The following SCHIP1 variants were observed in gnomAD, a reference collection of about 807,000 sequenced individuals.
The protein encoded by SCHIP1 is schwannomin-interacting protein 1.
SCHIP1 carries 8 observed loss-of-function variants against 29.7 expected under a neutral mutation model. The observed-to-expected ratio is 0.27, with a 90% CI of 0.16 to 0.49. The LOEUF is 0.49. SCHIP1 is among the 20% of genes least tolerant of loss of function. SCHIP1 has a pLI of 0.99. For synonymous variants in SCHIP1, 76 were observed against 94.9 expected (o/e 0.80, Z 1.16); for missense variants, 193 against 294.6 (o/e 0.66, Z 2.52).
At chr3:159,292,162 C>T in the SCHIP1 span, among the ~76,000 whole-genome samples, 4 of 151,484 alleles carry the variant, frequency 2.6e-5, no homozygotes, top group Non-Finnish European at 4.4e-5. Context: ...ATATCTGGCA[C>T]TTATTTTAAA....
chr3:159,508,973 G>C, the SCHIP1 span, among the ~76,000 whole-genome samples: 6 of 152,210 alleles, frequency 3.9e-5, no homozygotes, highest in Admixed American at 3.9e-4. Flanking sequence ...TTCTGTAGAT[G>C]TCTGTTAGGT....
chr3:159,886,399 T>A (rs1057126023), intron 3 of SCHIP1, 75 bp downstream of exon 4: 1 of 1,344,698 alleles, frequency 7.4e-7, no homozygotes, highest in Non-Finnish European at 1.0e-6. Flanking sequence ...TGTTGTAAGG[T>A]GAATCAGGAA....
the SCHIP1 span, among the ~76,000 whole-genome samples, chr3:159,445,770 G>T: frequency 6.7e-6 from 1 of 149,006 alleles, no homozygotes; most frequent in African/African-American, 2.5e-5. Context: ...GTAAACTATC[G>T]CAAGGACAAA....
intron 5 of SCHIP1, among the ~76,000 whole-genome samples, chr3:159,890,154 A>G (rs1424537483): frequency 1.3e-5 from 2 of 152,124 alleles, no homozygotes; most frequent in Non-Finnish European, 2.9e-5. Flanking sequence ...TACCTACTGA[A>G]GCATTTACAG....
chr3:159,651,307 C>T, the SCHIP1 span, among the ~76,000 whole-genome samples: 1 of 152,114 alleles, frequency 6.6e-6, no homozygotes, highest in Non-Finnish European at 1.5e-5. Context: ...GTTACTTTTG[C>T]AATTCAGATG....
chr3:159,818,929 T>C, the SCHIP1 span, among the ~76,000 whole-genome samples: 508 of 152,390 alleles, frequency 3.3e-3, 3 homozygotes, highest in African/African-American at 0.012. Context: ...AATAGTTTAC[T>C]ACAGTTTAAA....
chr3:159,381,612 C>CT, the SCHIP1 span, among the ~76,000 whole-genome samples: 159 of 148,284 alleles, frequency 1.1e-3, no homozygotes, highest in Admixed American at 4.1e-3. Context: ...TTTTCTTCTT[C>CT]TTTTTTTTTT....
At chr3:159,712,219 T>C in the SCHIP1 span, among the ~76,000 whole-genome samples, 2 of 152,170 alleles carry the variant, frequency 1.3e-5, no homozygotes, top group Non-Finnish European at 2.9e-5. Flanking sequence ...CACATCTGAC[T>C]GCCCAGCTTA....
At chr3:159,516,701 G>A in the SCHIP1 span, among the ~76,000 whole-genome samples, 164 of 152,108 alleles carry the variant, frequency 1.1e-3, no homozygotes, top group African/African-American at 3.7e-3. Flanking sequence ...AGTCTGACAC[G>A]AATCTTTTTT....
At chr3:159,431,757 T>A in the SCHIP1 span, among the ~76,000 whole-genome samples, 2 of 148,554 alleles carry the variant, frequency 1.3e-5, no homozygotes, top group Admixed American at 6.8e-5. Flanking sequence ...TGCAATGAGC[T>A]GAGATCGGGC....
chr3:159,422,825 A>G, the SCHIP1 span, among the ~76,000 whole-genome samples: 1 of 152,168 alleles, frequency 6.6e-6, no homozygotes, highest in South Asian at 2.1e-4. Context: ...GGGTATACCA[A>G]AATTTACTTG....
chr3:159,340,010 T>C, the SCHIP1 span, among the ~76,000 whole-genome samples: 1 of 152,098 alleles, frequency 6.6e-6, no homozygotes, highest in Admixed American at 6.6e-5. Flanking sequence ...AACCAGGAAT[T>C]ATTTTACAAG....
intron 2 of SCHIP1, among the ~76,000 whole-genome samples, chr3:159,876,325 C>T (rs1307805127): frequency 1.1e-4 from 17 of 152,258 alleles, no homozygotes; most frequent in East Asian, 3.9e-4. Context: ...TGGGTAGGAG[C>T]GGGGTATTGG....
chr3:159,678,256 G>A, the SCHIP1 span, among the ~76,000 whole-genome samples: 1 of 152,276 alleles, frequency 6.6e-6, no homozygotes. Context: ...TCTGTTACAA[G>A]TCCCATTTCC....
At chr3:159,402,024 C>G in the SCHIP1 span, among the ~76,000 whole-genome samples, 2 of 151,976 alleles carry the variant, frequency 1.3e-5, no homozygotes, top group Admixed American at 6.6e-5. Context: ...TTTTTGCAAC[C>G]TACTCATCTG....
chr3:159,433,398 G>A, the SCHIP1 span, among the ~76,000 whole-genome samples: 9 of 152,138 alleles, frequency 5.9e-5, no homozygotes, highest in East Asian at 1.9e-4. Context: ...AGGGATGACC[G>A]CTTAAGAGCA....
At chr3:159,515,954 T>G in the SCHIP1 span, among the ~76,000 whole-genome samples, 1 of 148,934 alleles carries the variant, frequency 6.7e-6, no homozygotes, top group Admixed American at 6.7e-5. Flanking sequence ...AAGTGCCAAG[T>G]GAAAAATACA....
At chr3:159,755,625 C>T in the SCHIP1 span, among the ~76,000 whole-genome samples, 2 of 152,190 alleles carry the variant, frequency 1.3e-5, no homozygotes, top group Non-Finnish European at 2.9e-5. Flanking sequence ...TCCCAACAGT[C>T]CCCCAAAGTC....
the SCHIP1 span, among the ~76,000 whole-genome samples, chr3:159,715,563 T>G: frequency 6.6e-6 from 1 of 152,142 alleles, no homozygotes; most frequent in Non-Finnish European, 1.5e-5. Flanking sequence ...TTAAATGACC[T>G]GATGGAGCTG....
Sources: allele counts gnomAD v4.1 joint callset (sites outside exome capture counted in the v4.1 genomes callset), GRCh38; gene constraint gnomAD v4.1.1; transcripts MANE v1.5; gene names NCBI Gene and HGNC (gene_info 2026-07-23, HGNC 2026-07-21).